SYT14: variants seen among roughly 807,000 people sequenced by gnomAD.
SYT14 encodes the protein synaptotagmin-14.
In SYT14, 32 loss-of-function variants were observed where a neutral mutation model predicts 74.2. That is an observed-to-expected ratio of 0.43 (90% confidence interval 0.33 to 0.58). The LOEUF is 0.58. Ranked by LOEUF, SYT14 falls within the 20% of genes least tolerant of loss-of-function variation. SYT14 has a pLI of 0.05. For synonymous variants in SYT14, 298 were observed against 337.7 expected (o/e 0.88, Z 1.29); for missense variants, 791 against 981.8 (o/e 0.81, Z 2.60).
chr1:209,999,151 A>G (rs532063773), intron 2 of SYT14, among the ~76,000 whole-genome samples: 2 of 152,286 alleles, frequency 1.3e-5, no homozygotes, highest in African/African-American at 4.8e-5. Flanking sequence ...TTCTGAAAAG[A>G]CAGTTTCATA....
chr1:210,057,950 C>T (rs898706632), intron 5 of SYT14, among the ~76,000 whole-genome samples: 2 of 152,192 alleles, frequency 1.3e-5, no homozygotes, highest in African/African-American at 4.8e-5. Context: ...TGTGTTCTTA[C>T]ATAGGCATTT....
intron 5 of SYT14, among the ~76,000 whole-genome samples, chr1:210,045,132 T>G (rs1437905874): frequency 6.6e-6 from 1 of 152,192 alleles, no homozygotes; most frequent in South Asian, 2.1e-4. Context: ...TATTTAGACT[T>G]GAATAGACTC....
chr1:209,956,885 G>A (rs533301206), intron 2 of SYT14, among the ~76,000 whole-genome samples: 10 of 152,024 alleles, frequency 6.6e-5, no homozygotes, highest in African/African-American at 2.4e-4. Flanking sequence ...GGAGGGGAAG[G>A]GGTTGTGAAT....
At chr1:209,997,785 G>T (rs1354064047) in intron 2 of SYT14, among the ~76,000 whole-genome samples, 2 of 151,880 alleles carry the variant, frequency 1.3e-5, no homozygotes, top group African/African-American at 4.8e-5. Context: ...GCCTGTATAT[G>T]TACCCCCCTG....
chr1:210,027,834 T>C (rs1439683700), intron 5 of SYT14, among the ~76,000 whole-genome samples: 1 of 152,178 alleles, frequency 6.6e-6, no homozygotes, highest in African/African-American at 2.4e-5. Context: ...TTCCTCCCAA[T>C]AGTGTAGAAT....
intron 5 of SYT14, among the ~76,000 whole-genome samples, chr1:210,092,982 C>G (rs2081903510): frequency 6.6e-6 from 1 of 152,112 alleles, no homozygotes; most frequent in African/African-American, 2.4e-5. Flanking sequence ...CATTTTATAA[C>G]AGGTACTTGA....
intron 5 of SYT14, among the ~76,000 whole-genome samples, chr1:210,027,415 CA>C (rs35720692): frequency 0.012 from 1,565 of 132,492 alleles, 23 homozygotes; most frequent in African/African-American, 0.035. Flanking sequence ...ACCCTGTTCC[CA>C]AAAAAAAAAA....
At chr1:209,950,072 G>T (rs2078887412) in intron 1 of SYT14, among the ~76,000 whole-genome samples, 1 of 148,434 alleles carries the variant, frequency 6.7e-6, no homozygotes, top group Non-Finnish European at 1.5e-5. Flanking sequence ...TAAAAATAAT[G>T]CTGTTACAGT....
intron 7 of SYT14, among the ~76,000 whole-genome samples, chr1:210,138,473 A>G (rs1357827135): frequency 2.0e-5 from 3 of 152,170 alleles, no homozygotes; most frequent in African/African-American, 7.2e-5. Flanking sequence ...TTTGTCTTCT[A>G]TAGATTTACT....
Position 210,155,924 on chromosome 1 carries a change from A to C in SYT14, c.2224+14A>C. Reference sequence around the variant, plus strand: ...ACAGACCACCCAGTGAGTGAAAAATAATTTTTTTAATTCTAATGTTTTCTG... The same window carrying C: ...ACAGACCACCCAGTGAGTGAAAAATCATTTTTTTAATTCTAATGTTTTCTG... On this transcript the variant is annotated intron_variant, in intron 8 of 9. Coordinates refer to ENST00000637265, the Ensembl canonical transcript of SYT14. 1 of 1,613,364 alleles carries C rather than the reference A, an allele frequency of 6.2e-7. No individual in the cohort carries two copies. Among genetic ancestry groups the C allele is most frequent in the Non-Finnish European group, 8.5e-7 (1 of 1,179,486 alleles).
At chr1:209,970,662 CTTTTTTTTTTTTTTTTT>C (rs35639848) in intron 2 of SYT14, among the ~76,000 whole-genome samples, 15 of 62,806 alleles carry the variant, frequency 2.4e-4, no homozygotes, top group Non-Finnish European at 4.0e-4. Flanking sequence ...GGCAGTATGG[CTTTTTTTTTTTTTTTTT>C]TTTTTTTTTT....
chr1:209,974,927 T>C (rs540641734), intron 2 of SYT14, among the ~76,000 whole-genome samples: 2 of 152,254 alleles, frequency 1.3e-5, no homozygotes, highest in African/African-American at 2.4e-5. Flanking sequence ...AGGTCCTTCA[T>C]GTCCCTTGTA....
At chr1:210,157,403 C>T (rs1444276687) in intron 8 of SYT14, among the ~76,000 whole-genome samples, 1 of 151,496 alleles carries the variant, frequency 6.6e-6, no homozygotes, top group Non-Finnish European at 1.5e-5. Flanking sequence ...GATTGCACCA[C>T]CGCACTCCAG....
At chr1:210,057,136 C>T (rs182107738) in intron 5 of SYT14, among the ~76,000 whole-genome samples, 6 of 152,248 alleles carry the variant, frequency 3.9e-5, no homozygotes, top group South Asian at 2.1e-4. Flanking sequence ...TGAGCCACCA[C>T]GCCCGACCCC....
intron 4 of SYT14, among the ~76,000 whole-genome samples, chr1:210,019,116 CA>C (rs2080249100): frequency 1.0e-5 from 1 of 95,844 alleles, no homozygotes. Flanking sequence ...AGACTGGCAA[CA>C]GGGTGAGACT....
At chr1:209,984,907 T>C (rs12726678) in intron 2 of SYT14, among the ~76,000 whole-genome samples, 1 of 152,130 alleles carries the variant, frequency 6.6e-6, no homozygotes, top group South Asian at 2.1e-4. Flanking sequence ...CTAGATCTTG[T>C]GAGTACTCAC....
intron 2 of SYT14, among the ~76,000 whole-genome samples, chr1:209,954,612 T>C (rs889719156): frequency 1.3e-5 from 2 of 152,168 alleles, no homozygotes; most frequent in Non-Finnish European, 2.9e-5. Context: ...ATAGAGTAGA[T>C]CATATGAAAG....
intron 5 of SYT14, among the ~76,000 whole-genome samples, chr1:210,047,037 C>A (rs946357404): frequency 1.3e-5 from 2 of 151,914 alleles, no homozygotes; most frequent in African/African-American, 2.4e-5. Context: ...GTTTTTAATT[C>A]TATAATTAAT....
intron 6 of SYT14, among the ~76,000 whole-genome samples, chr1:210,098,610 C>T (rs1415190237): frequency 6.6e-6 from 1 of 152,024 alleles, no homozygotes; most frequent in Non-Finnish European, 1.5e-5. Flanking sequence ...ATTTTTGCCT[C>T]CCATTGGCCA....
Sources: allele counts gnomAD v4.1 joint callset (sites outside exome capture counted in the v4.1 genomes callset), GRCh38; gene constraint gnomAD v4.1.1; transcripts MANE v1.5; gene names NCBI Gene and HGNC (gene_info 2026-07-23, HGNC 2026-07-21).